SEPTIN1: variants seen among roughly 807,000 people sequenced by gnomAD.
The protein encoded by SEPTIN1 is septin 1, also known as septin-1.
Under a neutral mutation model 50.7 loss-of-function variants are expected in SEPTIN1, and 52 were observed. That is an observed-to-expected ratio of 1.03 (90% CI 0.82 to 1.29). SEPTIN1 has a LOEUF of 1.29. SEPTIN1 is among the 50% of genes most tolerant of loss of function. SEPTIN1 has a pLI of 0.00. For synonymous variants in SEPTIN1, 204 were observed against 189.1 expected, an observed-to-expected ratio of 1.08 and a Z score of -0.65; for missense variants, 455 against 490.7, an observed-to-expected ratio of 0.93 and a Z score of 0.69.
intron 6 of SEPTIN1, chr16:30,380,867 C>G (rs917930603): frequency 3.8e-6 from 2 of 525,776 alleles, no homozygotes; most frequent in Non-Finnish European, 6.9e-6. Context: ...AGGGAAGTCA[C>G]TATGTTCTCA....
At position 30,379,473 on chromosome 16, in the gene SEPTIN1, G is replaced by A. The variant is rs1163268063; in HGVS notation, c.737C>T (p.Pro246Leu). Residue 246 changes from proline to leucine, a missense_variant, in exon 8 of 11, where the codon CCG (proline) becomes CTG (leucine). Coordinates refer to ENST00000321367, the MANE Select transcript of SEPTIN1 (RefSeq NM_001365977.2). ...CEVVRDGGNRPVRGRRYSWGT... is the reference protein window; with the variant it reads ...CEVVRDGGNRLVRGRRYSWGT... ...CCAGGAGTAGCGGCGTCCCCTCACCGGCCGGTTCCCGCCATCCCTCACCAC... is the reference window on the plus strand; with the variant it reads ...CCAGGAGTAGCGGCGTCCCCTCACCAGCCGGTTCCCGCCATCCCTCACCAC... The A allele has an allele frequency of 1.2e-6, 2 of 1,613,646 alleles. No individual in the cohort carries two copies. The highest frequency in any genetic ancestry group is 2.2e-5 in the East Asian group (1 of 44,876).
intron 6 of SEPTIN1, chr16:30,380,904 C>A (rs2049837277): frequency 1.7e-6 from 1 of 588,580 alleles, no homozygotes; most frequent in Non-Finnish European, 3.0e-6. Context: ...CTCAAATAGG[C>A]CTCAGCCAGG....
At chr16:30,379,887 G>A (rs773257863) in intron 7 of SEPTIN1, 45 bp downstream of exon 7, 8 of 1,051,210 alleles carry the variant, frequency 7.6e-6, no homozygotes, top group Middle Eastern at 2.1e-4. Flanking sequence ...GATTACAGAC[G>A]TGAGCCACCG....
At chr16:30,378,818 G>T in intron 9 of SEPTIN1, 118 bp from the exon 10 acceptor site, 1 of 845,960 alleles carries the variant, frequency 1.2e-6, no homozygotes, top group Non-Finnish European at 1.7e-6. Context: ...AGTTCCTTGA[G>T]GTTAGGGCCG....
At chr16:30,379,799 G>A (rs999632089) in intron 7 of SEPTIN1, 133 bp downstream of exon 7, 4 of 639,310 alleles carry the variant, frequency 6.3e-6, no homozygotes, top group African/African-American at 1.8e-5. Flanking sequence ...TAGAGGTGGG[G>A]TCTCGCCATG....
chr16:30,381,636 C>T lies in SEPTIN1; in HGVS notation c.320+124G>A. ...GTGAGTCATCAAGAAGCACAGGGAC[C>T]CAGTGGCCCTCTGAAACAGACACCA... On this transcript the variant is annotated intron_variant, in intron 4 of 10. Transcript: ENST00000321367. This position sits in a 1 kb window ranked among gnomAD's most constrained non-coding sequence, Gnocchi z 4.3. The T allele has an allele frequency of 1.3e-6, 2 of 1,494,248 alleles. No homozygotes were observed. Among genetic ancestry groups the T allele is most frequent in the Non-Finnish European group, 1.8e-6 (2 of 1,099,666 alleles). 92.6% of individuals were successfully genotyped at this position (1,494,248 alleles called of 1,614,324 possible). A position where few individuals can be genotyped will look rare whatever the true frequency, so the allele number is the denominator to read the frequency against.
At position 30,378,325 on chromosome 16, in the gene SEPTIN1, G is replaced by C. The variant is rs1337356712; in HGVS notation, c.*109C>G. The C allele has an allele frequency of 2.8e-6, 3 of 1,089,842 alleles. No individual in the cohort carries two copies. The highest frequency in any genetic ancestry group is 3.8e-6 in the Non-Finnish European group (3 of 779,272). 67.5% of individuals were successfully genotyped at this position (1,089,842 alleles called of 1,614,324 possible). ...GAGAACCTCCCCCTAGCCCGCGCGA[G>C]GGCGGCACCCGCGGAGGTCCCGGGG... On this transcript the variant is annotated 3_prime_UTR_variant, in exon 11 of 11. Coordinates refer to ENST00000321367, the MANE Select transcript of SEPTIN1 (RefSeq NM_001365977.2).
chr16:30,378,188 G>A lies in SEPTIN1; in HGVS notation c.*246C>T, dbSNP rs1354998066. The A allele has an allele frequency of 2.9e-6, 2 of 698,854 alleles. No homozygotes were observed. The highest frequency in any genetic ancestry group is 2.6e-6 in the Non-Finnish European group (1 of 388,836). The allele number at this position is 698,854 out of a possible 1,614,324, so 43.3% of individuals were successfully genotyped here. A position where few individuals can be genotyped will look rare whatever the true frequency, so the allele number is the denominator to read the frequency against. The stretch of plus-strand genomic sequence containing the variant: ...AGACAGAGTCTGGGAGAAGAAGGGG[G>A]ACTCCGGAAGACAGTGATGCGGTCG... On this transcript the variant is annotated 3_prime_UTR_variant, in exon 11 of 11. Coordinates refer to ENST00000321367, the MANE Select transcript of SEPTIN1 (RefSeq NM_001365977.2).
At chr16:30,379,312 C>G (rs2049805176) in intron 8 of SEPTIN1, 123 bp downstream of exon 8, 7 of 1,430,708 alleles carry the variant, frequency 4.9e-6, no homozygotes, top group Non-Finnish European at 6.8e-6. Flanking sequence ...AGCCCAGCGA[C>G]CCCCCTTTCC....
At position 30,381,012 on chromosome 16, in the gene SEPTIN1, A is replaced by G. The variant is rs2049839678; in HGVS notation, c.573+115T>C. On this transcript the variant is annotated intron_variant, in intron 6 of 10. Transcript: ENST00000321367. The surrounding 1 kb of genome is among the most constrained non-coding windows in gnomAD (Gnocchi z 4.3). The stretch of plus-strand genomic sequence containing the variant: ...CCCGCCTTCCTCAGAAGCTTCTCCT[A>G]CAATCTAGCCTGATGCACCATGCTC... 1 of 867,454 alleles carries G rather than the reference A, an allele frequency of 1.2e-6. No individual in the cohort carries two copies. Among genetic ancestry groups the G allele is most frequent in the Admixed American group, 1.9e-5 (1 of 52,904 alleles). The allele number at this position is 867,454 out of a possible 1,614,324, so 53.7% of individuals were successfully genotyped here.
chr16:30,379,209 C>T, intron 8 of SEPTIN1, 26 bp from the exon 9 acceptor site: 1 of 1,612,642 alleles, frequency 6.2e-7, no homozygotes, highest in Non-Finnish European at 8.5e-7. Flanking sequence ...CGCGGACCAG[C>T]GAACGTCAGG....
chr16:30,378,314 A>G lies in SEPTIN1; in HGVS notation c.*120T>C. The G allele has an allele frequency of 1.0e-6, 1 of 981,426 alleles. No individual in the cohort carries two copies. The highest frequency in any genetic ancestry group is 1.5e-6 in the Non-Finnish European group (1 of 680,284). The allele number at this position is 981,426 out of a possible 1,614,324, so 60.8% of individuals were successfully genotyped here. A position where few individuals can be genotyped will look rare whatever the true frequency, so the allele number is the denominator to read the frequency against. ...ACTCAGGCTGGGAGAACCTCCCCCTAGCCCGCGCGAGGGCGGCACCCGCGG... is the reference window on the plus strand; with the variant it reads ...ACTCAGGCTGGGAGAACCTCCCCCTGGCCCGCGCGAGGGCGGCACCCGCGG... On this transcript the variant is annotated 3_prime_UTR_variant, in exon 11 of 11. Coordinates refer to ENST00000321367, the MANE Select transcript of SEPTIN1 (RefSeq NM_001365977.2).
At chr16:30,379,805 C>T (rs1268304264) in intron 7 of SEPTIN1, 127 bp downstream of exon 7, 17 of 653,464 alleles carry the variant, frequency 2.6e-5, no homozygotes, top group Non-Finnish European at 5.4e-6. Flanking sequence ...TGGGGTCTCG[C>T]CATGTTGCCC....
In SEPTIN1 at chr16:30,378,433, C is replaced by G. The variant is rs765265866; in HGVS notation, c.*1G>C. 23 of 1,568,270 alleles carry G rather than the reference C, an allele frequency of 1.5e-5. No individual in the cohort carries two copies. The highest frequency in any genetic ancestry group is 4.1e-5 in the African/African-American group (3 of 72,680). ...GAGGTAAGGCCGGGCGGGGCGTGGC[C>G]TCAGAGGGCGTCTGACTGCTCGCCC... On this transcript the variant is annotated 3_prime_UTR_variant, in exon 11 of 11. Transcript: ENST00000321367.
At chr16:30,379,814 C>G (rs1035485745) in intron 7 of SEPTIN1, 118 bp downstream of exon 7, 29 of 675,496 alleles carry the variant, frequency 4.3e-5, no homozygotes, top group Non-Finnish European at 6.2e-5. Context: ...GCCATGTTGC[C>G]CAGGCTGGTC....
In SEPTIN1 at chr16:30,379,007, C is replaced by T. The variant is rs781472907; in HGVS notation, c.941+11G>A. On this transcript the variant is annotated intron_variant, in intron 9 of 10. Coordinates refer to ENST00000321367, the MANE Select transcript of SEPTIN1 (RefSeq NM_001365977.2). ...CTTGGAGGCTCTGATACTGTCCGCC[C>T]CGGGTCTCACCTGCGGCTGGCTCGA... 3 of 1,611,594 alleles carry T rather than the reference C, an allele frequency of 1.9e-6. No individual in the cohort carries two copies. The highest frequency in any genetic ancestry group is 4.5e-5 in the East Asian group (2 of 44,856).
chr16:30,382,393 C>T lies in SEPTIN1; in HGVS notation c.19-28G>A. 6.3e-7 allele frequency: 1 copy of T among 1,590,696 alleles called. No individual in the cohort carries two copies. Among genetic ancestry groups the T allele is most frequent in the South Asian group, 1.1e-5 (1 of 88,842 alleles). Reference sequence around the variant, plus strand: ...ATGGATGGGGGTGGACAATATGAGGCTGCTGGCAATGGCAGGCAGGGTCCC... The same window carrying T: ...ATGGATGGGGGTGGACAATATGAGGTTGCTGGCAATGGCAGGCAGGGTCCC... On this transcript the variant is annotated intron_variant, in intron 1 of 10. Transcript: ENST00000321367. This position sits in a 1 kb window ranked among gnomAD's most constrained non-coding sequence, Gnocchi z 4.8.
rs1449080489 is a variant in SEPTIN1, at chr16:30,382,509, G to A, written c.18+16C>T. ...TGGGGGCCGAGATGCCCAGGTTTCT[G>A]GGTGTAAGGACTCACCATGACTCCG... On this transcript the variant is annotated intron_variant, in intron 1 of 10. Transcript: ENST00000321367. This position sits in a 1 kb window ranked among gnomAD's most constrained non-coding sequence, Gnocchi z 4.8. 6.3e-7 allele frequency: 1 copy of A among 1,597,282 alleles called. No individual in the cohort carries two copies. Among genetic ancestry groups the A allele is most frequent in the Non-Finnish European group, 8.5e-7 (1 of 1,172,134 alleles).
In SEPTIN1 at chr16:30,382,492, G is replaced by A. The variant is rs756603552; in HGVS notation, c.18+33C>T. ...ACCCCAGGCATGGGGGCTGGGGGCC[G>A]AGATGCCCAGGTTTCTGGGTGTAAG... On this transcript the variant is annotated intron_variant, in intron 1 of 10. Transcript: ENST00000321367. This position sits in a 1 kb window ranked among gnomAD's most constrained non-coding sequence, Gnocchi z 4.8. 1.9e-5 allele frequency: 30 copies of A among 1,593,944 alleles called. 1 individual carries two copies. The highest frequency in any genetic ancestry group is 1.5e-4 in the South Asian group (13 of 89,220).
Sources: allele counts gnomAD v4.1 joint callset, GRCh38; gene constraint gnomAD v4.1.1; non-coding constraint Gnocchi (gnomAD v3.1); transcripts MANE v1.5; gene names NCBI Gene and HGNC (gene_info 2026-07-23, HGNC 2026-07-21).